Variants in KLRC3 observed in about 807,000 individuals in gnomAD.
KLRC3 encodes NKG2-E type II integral membrane protein.
KLRC3 carries 16 observed loss-of-function variants against 23.6 expected under a neutral mutation model. That is an observed-to-expected ratio of 0.68 (90% CI 0.46 to 1.03). The LOEUF is 1.03. Among genes scored for constraint, KLRC3 ranks in the 50% least tolerant of loss-of-function variants. KLRC3 has a pLI of 0.00. For missense variants in KLRC3, 209 were observed against 232.2 expected (o/e 0.90, Z 0.65); for synonymous variants, 70 against 71.8 (o/e 0.98, Z 0.13).
chr12:10,415,582 G>C lies in KLRC3; in HGVS notation c.678+122C>G, dbSNP rs564789302. 198 of 1,431,648 alleles carry C rather than the reference G, an allele frequency of 1.4e-4. 3 individuals carry two copies. The South Asian group carries it at 2.5e-3, about 18-fold the overall frequency. The allele number at this position is 1,431,648 out of a possible 1,614,324, so 88.7% of individuals were successfully genotyped here. A position where few individuals can be genotyped will look rare whatever the true frequency, so the allele number is the denominator to read the frequency against. The stretch of plus-strand genomic sequence containing the variant: ...GATTTGGAATTTTCTTATTATTAGA[G>C]CAAATAACACAATTCATTTTAAGGC... On this transcript the variant is annotated intron_variant, in intron 6 of 6. Coordinates refer to ENST00000396439, the MANE Select transcript of KLRC3 (RefSeq NM_002261.3).
rs1863590909 is a variant in KLRC3, at chr12:10,412,609, C to T, written c.686G>A (p.Gly229Asp). The T allele has an allele frequency of 2.9e-6, 2 of 700,952 alleles. No homozygotes were observed. Among genetic ancestry groups the T allele is most frequent in the Non-Finnish European group, 5.2e-6 (2 of 384,514 alleles). The allele number at this position is 700,952 out of a possible 1,614,324, so 43.4% of individuals were successfully genotyped here. The change falls in exon 7 of 7, where the codon GGT (glycine) becomes GAT (aspartate). Residue 229 changes from glycine (G) to aspartate (D), a missense_variant. Transcript: ENST00000396439. ...QCGSSRIIRR[G>D]FIMLTRLVLN... ...GACCAGCCTGGTCAACATGATGAAA[C>T]CCCGTCTCTACAAAAAAATACGAAA...
chr12:10,416,412 C>T (rs1309215872), intron 5 of KLRC3, among the ~76,000 whole-genome samples: 1 of 152,244 alleles, frequency 6.6e-6, no homozygotes, highest in Non-Finnish European at 1.5e-5. Context: ...CAAGACTCTT[C>T]TTCTTCCAAT....
intron 2 of KLRC3, among the ~76,000 whole-genome samples, 189 bp from the exon 3 acceptor site, chr12:10,419,277 A>G (rs1565503534): frequency 2.2e-5 from 1 of 46,314 alleles, no homozygotes; most frequent in Non-Finnish European, 4.4e-5. Context: ...AGACTTTAGC[A>G]CAAAACTTCA....
intron 4 of KLRC3, 98 bp downstream of exon 4, chr12:10,418,246 T>G: frequency 8.5e-7 from 1 of 1,179,542 alleles, no homozygotes; most frequent in South Asian, 1.5e-5. Context: ...TGAAAATATA[T>G]AAGCTAAATA....
chr12:10,417,703 G>T (rs1051904040), intron 4 of KLRC3, among the ~76,000 whole-genome samples: 1 of 152,166 alleles, frequency 6.6e-6, no homozygotes, highest in African/African-American at 2.4e-5. Flanking sequence ...GCCCCTGAGG[G>T]CATGAGACTC....
intron 4 of KLRC3, among the ~76,000 whole-genome samples, chr12:10,417,855 A>G (rs1863668295): frequency 6.6e-6 from 1 of 152,240 alleles, no homozygotes; most frequent in Non-Finnish European, 1.5e-5. Flanking sequence ...AAAAAGACAG[A>G]CATGAAATTC....
At chr12:10,417,490 G>A (rs1863662097) in intron 4 of KLRC3, among the ~76,000 whole-genome samples, 1 of 152,154 alleles carries the variant, frequency 6.6e-6, no homozygotes, top group Admixed American at 6.5e-5. Context: ...GGCAATAGGA[G>A]GAGGGTATCG....
intron 5 of KLRC3, among the ~76,000 whole-genome samples, chr12:10,416,227 T>C (rs1171579772): frequency 1.3e-5 from 2 of 152,250 alleles, no homozygotes; most frequent in Non-Finnish European, 2.9e-5. Flanking sequence ...AATTCCCTGA[T>C]AGTCCATCTC....
At chr12:10,413,300 A>C (rs190970681) in intron 6 of KLRC3, among the ~76,000 whole-genome samples, 1 of 152,198 alleles carries the variant, frequency 6.6e-6, no homozygotes, top group Non-Finnish European at 1.5e-5. Flanking sequence ...GAAATTATCA[A>C]GATGAATGGT....
intron 3 of KLRC3, 140 bp from the exon 4 acceptor site, chr12:10,418,638 AATAACTGAGTCAGTC>A: frequency 9.4e-7 from 1 of 1,062,182 alleles, no homozygotes; most frequent in East Asian, 2.6e-5. Flanking sequence ...TATATTTTTT[AATAACTGAGTCAGTC>A]ATACACACAT....
At chr12:10,412,880 T>C (rs887073387) in intron 6 of KLRC3, among the ~76,000 whole-genome samples, 1 of 152,092 alleles carries the variant, frequency 6.6e-6, no homozygotes, top group African/African-American at 2.4e-5. Context: ...AAGTAAACAA[T>C]CATAAATGGG....
chr12:10,418,322 G>A (rs777374568), intron 4 of KLRC3, 22 bp downstream of exon 4: 3 of 1,573,542 alleles, frequency 1.9e-6, no homozygotes, highest in East Asian at 2.2e-5. Context: ...TTCATAAAAT[G>A]TTTGAAACAT....
At position 10,418,385 on chromosome 12, in the gene KLRC3, T is replaced by A; in HGVS notation, c.445A>T (p.Asn149Tyr). The A allele has an allele frequency of 6.2e-7, 1 of 1,612,000 alleles. No homozygotes were observed. Among genetic ancestry groups the A allele is most frequent in the Middle Eastern group, 1.7e-4 (1 of 6,052 alleles). ...TCTATACAAAGCAGACTAGAAGAGT[T>A]CTTTGAAGCACAGGCCTGCAAACTC... The part of the protein sequence containing the change: ...EESLQACASK[N>Y]SSSLLCIDNE... The change falls in exon 4 of 7, where the codon AAC becomes TAC. Residue 149 changes from asparagine (N) to tyrosine (Y), a missense_variant. By Grantham distance (143) the Asn-to-Tyr change is moderately radical. Coordinates refer to ENST00000396439, the MANE Select transcript of KLRC3 (RefSeq NM_002261.3).
chr12:10,416,313 A>G (rs1295966822), intron 5 of KLRC3, among the ~76,000 whole-genome samples: 1 of 152,172 alleles, frequency 6.6e-6, no homozygotes, highest in Non-Finnish European at 1.5e-5. Flanking sequence ...CAAATACATA[A>G]GCTTTCTTAA....
At chr12:10,415,661 G>A in intron 6 of KLRC3, 43 bp downstream of exon 6, 1 of 1,611,320 alleles carries the variant, frequency 6.2e-7, no homozygotes, top group Non-Finnish European at 8.5e-7. Flanking sequence ...TTTATCTGAT[G>A]CACTGCAAGC....
chr12:10,412,916 C>T (rs1971939), intron 6 of KLRC3, among the ~76,000 whole-genome samples: 1 of 152,102 alleles, frequency 6.6e-6, no homozygotes, highest in Non-Finnish European at 1.5e-5. Flanking sequence ...TCTCTTGATG[C>T]TTAATACAAG....
At chr12:10,414,751 A>T (rs1346341806) in intron 6 of KLRC3, among the ~76,000 whole-genome samples, 1 of 151,904 alleles carries the variant, frequency 6.6e-6, no homozygotes, top group Non-Finnish European at 1.5e-5. Context: ...CCTAAAACTT[A>T]AAGTATAATA....
In KLRC3 at chr12:10,412,492, G is replaced by A. The variant is rs1863589503; in HGVS notation, c.*80C>T. ...AGATTTTTAAAACACAAGCTAAATGGTACATGAGCACTCAGGGGCGGTGGC... is the reference window on the plus strand; with the variant it reads ...AGATTTTTAAAACACAAGCTAAATGATACATGAGCACTCAGGGGCGGTGGC... On this transcript the variant is annotated 3_prime_UTR_variant, in exon 7 of 7. Transcript: ENST00000396439. 3 of 699,772 alleles carry A rather than the reference G, an allele frequency of 4.3e-6. No individual in the cohort carries two copies. Among genetic ancestry groups the A allele is most frequent in the Non-Finnish European group, 7.8e-6 (3 of 384,004 alleles). The allele number at this position is 699,772 out of a possible 1,614,324, so 43.3% of individuals were successfully genotyped here. A position where few individuals can be genotyped will look rare whatever the true frequency, so the allele number is the denominator to read the frequency against.
At chr12:10,412,711 G>A in intron 6 of KLRC3, 95 bp from the exon 7 acceptor site, 2 of 663,044 alleles carry the variant, frequency 3.0e-6, no homozygotes, top group South Asian at 3.2e-5. Flanking sequence ...GAGCCTTGGA[G>A]GTGAGGTCGA....
Sources: allele counts gnomAD v4.1 joint callset (sites outside exome capture counted in the v4.1 genomes callset), GRCh38; gene constraint gnomAD v4.1.1; transcripts MANE v1.5; gene names NCBI Gene and HGNC (gene_info 2026-07-23, HGNC 2026-07-21).